The following GFRA4 variants were observed in gnomAD, a reference collection of about 807,000 sequenced individuals.
GFRA4 encodes GDNF family receptor alpha 4.
In GFRA4, 31 loss-of-function variants were observed where a neutral mutation model predicts 28.5. The ratio of observed to expected loss-of-function variants is 1.09; its 90% confidence interval spans 0.82 to 1.47. The LOEUF is 1.47. Among genes scored for constraint, GFRA4 ranks in the 40% most tolerant of loss-of-function variants. GFRA4 has a pLI of 0.00. For missense variants in GFRA4, 389 were observed against 413.2 expected (o/e 0.94, Z 0.51); for synonymous variants, 188 against 188.0 (o/e 1.00, Z 0.00).
rs1292905251 is a variant in GFRA4, at chr20:3,660,785, G to C, written c.472C>G (p.Arg158Gly). 4 of 1,416,212 alleles carry C rather than the reference G, an allele frequency of 2.8e-6. No homozygotes were observed. Among genetic ancestry groups the C allele is most frequent in the Non-Finnish European group, 3.7e-6 (4 of 1,095,542 alleles). 87.7% of individuals were successfully genotyped at this position (1,416,212 alleles called of 1,614,324 possible). Reference sequence around the variant, plus strand: ...AGGCCCGCGTAGGCGCGCAGGCAGCGGGCGCCCTGGTCCAGCAGGCAGCCG... The same window carrying C: ...AGGCCCGCGTAGGCGCGCAGGCAGCCGGCGCCCTGGTCCAGCAGGCAGCCG... ...PDGCLLDQGA[R>G]CLRAYAGLVG... Residue 158 changes from arginine to glycine, a missense_variant, in exon 3 of 6, where the codon CGC becomes GGC. By Grantham distance (125) the Arg-to-Gly change is moderately radical (BLOSUM62 -2). Transcript: ENST00000290417.
At chr20:3,662,387 A>G (rs2087232976) in intron 1 of GFRA4, among the ~76,000 whole-genome samples, 1 of 152,198 alleles carries the variant, frequency 6.6e-6, no homozygotes, top group Non-Finnish European at 1.5e-5. Flanking sequence ...CATTCAGACT[A>G]GAAGCCTTTC....
rs750234198 is a variant in GFRA4 at position 3,660,976 on chromosome 20, G to A, written c.360C>T (p.Pro120=). The A allele has an allele frequency of 6.2e-6, 9 of 1,453,898 alleles. No individual in the cohort carries two copies. The highest frequency in any genetic ancestry group is 5.4e-6 in the Non-Finnish European group (6 of 1,112,366). The allele number at this position is 1,453,898 out of a possible 1,614,324, so 90.1% of individuals were successfully genotyped here. ...PGPAPPSCLE[P]LNFCERSRVC... ...CCCGGCTGCGCTCGCAGAAGTTTAA[G>A]GGCTCAAGGCAGGAGGGCGGCGCGG... The change falls in exon 2 of 6, where the codon CCC becomes CCT. Residue 120 remains proline, a synonymous_variant. Coordinates refer to ENST00000290417, the MANE Select transcript of GFRA4 (RefSeq NM_022139.4).
Position 3,661,424 on chromosome 20 carries a change from G to A in GFRA4, c.47-135C>T, listed in dbSNP as rs2087224153. The A allele has an allele frequency of 1.1e-5, 14 of 1,290,540 alleles. No individual in the cohort carries two copies. In the South Asian group the frequency reaches 2.0e-4, roughly 18 times the overall value. 79.9% of individuals were successfully genotyped at this position (1,290,540 alleles called of 1,614,324 possible). A position where few individuals can be genotyped will look rare whatever the true frequency, so the allele number is the denominator to read the frequency against. ...TAGAGTGTGGCCCAAAGGCGGGGCC[G>A]ACTGGCACTGATCGGCTCTCCGTCG... On this transcript the variant is annotated intron_variant, in intron 1 of 5. Transcript: ENST00000290417.
rs2087194759 is a variant in GFRA4 at position 3,659,664 on chromosome 20, G to A, written c.*245C>T. 3.5e-6 allele frequency: 2 copies of A among 563,512 alleles called. No individual in the cohort carries two copies. Among genetic ancestry groups the A allele is most frequent in the South Asian group, 4.1e-5 (2 of 48,868 alleles). 34.9% of individuals were successfully genotyped at this position (563,512 alleles called of 1,614,324 possible). ...GTGGTCTCAAGGTCTGTGAATAAAG[G>A]GACTTACAACCAAGATGCCTCCTGA... On this transcript the variant is annotated 3_prime_UTR_variant, in exon 6 of 6. Coordinates refer to ENST00000290417, the MANE Select transcript of GFRA4 (RefSeq NM_022139.4).
At chr20:3,660,028 C>G (rs926542542) in intron 5 of GFRA4, 39 bp from the exon 6 acceptor site, 1 of 1,534,078 alleles carries the variant, frequency 6.5e-7, no homozygotes, top group Non-Finnish European at 8.8e-7. Flanking sequence ...GAGGCAAAAG[C>G]CTGTCTCTGC....
intron 1 of GFRA4, 120 bp from the exon 2 acceptor site, chr20:3,661,409 C>A: frequency 7.7e-7 from 1 of 1,306,316 alleles, no homozygotes; most frequent in Non-Finnish European, 9.7e-7. Flanking sequence ...TAGAGTGTGG[C>A]CCAAAGGCGG....
rs1260305836 is a variant in GFRA4, at chr20:3,660,242, G to A, written c.645C>T (p.Ala215=). Residue 215 remains alanine, a synonymous_variant, in exon 5 of 6, where the codon GCC becomes GCT. Coordinates refer to ENST00000290417, the MANE Select transcript of GFRA4 (RefSeq NM_022139.4). ...LFTRNRCLDG[A]IQAFASGWPP... Reference sequence around the variant, plus strand: ...GCCACCCGCTGGCAAAGGCCTGAATGGCACCATCTATGGAGGGAGGGGTCC... The same window carrying A: ...GCCACCCGCTGGCAAAGGCCTGAATAGCACCATCTATGGAGGGAGGGGTCC... 1 of 1,605,554 alleles carries A rather than the reference G, an allele frequency of 6.2e-7. No individual in the cohort carries two copies. Among genetic ancestry groups the A allele is most frequent in the East Asian group, 2.2e-5 (1 of 44,752 alleles).
intron 4 of GFRA4, 34 bp downstream of exon 4, chr20:3,660,492 C>T: frequency 6.6e-7 from 1 of 1,524,000 alleles, no homozygotes; most frequent in Non-Finnish European, 8.9e-7. Context: ...AGCGCCGCCC[C>T]CACTCCCCCT....
Position 3,659,997 on chromosome 20 carries a change from G to C in GFRA4, c.730-8C>G, listed in dbSNP as rs774142324. 1.3e-6 allele frequency: 2 copies of C among 1,565,964 alleles called. No individual in the cohort carries two copies. The highest frequency in any genetic ancestry group is 8.7e-7 in the Non-Finnish European group (1 of 1,155,646). ...CCTGCCTGTGGAGGACACCTTGGGGGTGGGAGCCAAGTGCAGACTTGAGGC... is the reference window on the plus strand; with the variant it reads ...CCTGCCTGTGGAGGACACCTTGGGGCTGGGAGCCAAGTGCAGACTTGAGGC... On this transcript the variant is annotated splice_region_variant and splice_polypyrimidine_tract_variant and intron_variant, in intron 5 of 5. Coordinates refer to ENST00000290417, the MANE Select transcript of GFRA4 (RefSeq NM_022139.4).
Position 3,660,955 on chromosome 20 carries a change from G to T in GFRA4, c.381C>A (p.Ser127Arg). The T allele has an allele frequency of 7.0e-7, 1 of 1,428,490 alleles. No individual in the cohort carries two copies. The allele number at this position is 1,428,490 out of a possible 1,614,324, so 88.5% of individuals were successfully genotyped here. The stretch of plus-strand genomic sequence containing the variant: ...CCGCCCGCGCGCACCTGCAGACCCG[G>T]CTGCGCTCGCAGAAGTTTAAGGGCT... Reference protein sequence around the residue: ...CLEPLNFCERSRVCRPRLLAF... With the variant: ...CLEPLNFCERRRVCRPRLLAF... The change falls in exon 2 of 6, where the codon AGC becomes AGA. Residue 127 changes from serine to arginine, a missense_variant. Ser to Arg is a moderately radical substitution (Grantham distance 110). Coordinates refer to ENST00000290417, the MANE Select transcript of GFRA4 (RefSeq NM_022139.4).
chr20:3,661,262 C>T lies in GFRA4; in HGVS notation c.74G>A (p.Arg25Gln). 6.7e-7 allele frequency: 1 copy of T among 1,488,480 alleles called. No individual in the cohort carries two copies. Among genetic ancestry groups the T allele is most frequent in the Non-Finnish European group, 8.9e-7 (1 of 1,126,816 alleles). 92.2% of individuals were successfully genotyped at this position (1,488,480 alleles called of 1,614,324 possible). Residue 25 changes from arginine (R) to glutamine (Q), a missense_variant, in exon 2 of 6, where the codon CGA becomes CAA. Physicochemically the swap from Arg to Gln is conservative, Grantham distance 43. Transcript: ENST00000290417. ...LGSASSVGGN[R>Q]CVDAAEACTA... is the part of the protein sequence containing the mutation. ...GCAGGCTTCGGCCGCGTCCACACAT[C>T]GGTTCCCTCCGACCGAGCTCGCCGA...
chr20:3,660,500 C>T, intron 4 of GFRA4, 26 bp downstream of exon 4: 1 of 1,517,722 alleles, frequency 6.6e-7, no homozygotes, highest in Non-Finnish European at 8.9e-7. Context: ...CCCCACTCCC[C>T]CTCCACTCCC....
rs369519933 is a variant in GFRA4, at chr20:3,660,512, C to G, written c.637+14G>C. ...CGCCCCCACTCCCCCTCCACTCCCC[C>G]CCGGGCCCCTCACCCAAGCAGCGGT... On this transcript the variant is annotated intron_variant, in intron 4 of 5. Coordinates refer to ENST00000290417, the MANE Select transcript of GFRA4 (RefSeq NM_022139.4). 309 of 1,546,806 alleles carry G rather than the reference C, an allele frequency of 2.0e-4. No homozygotes were observed. The African/African-American group carries it at 3.2e-3, about 16-fold the overall frequency.
intron 5 of GFRA4, 77 bp downstream of exon 5, chr20:3,660,081 C>T (rs1042506706): frequency 1.3e-6 from 2 of 1,516,168 alleles, no homozygotes; most frequent in Admixed American, 2.1e-5. Flanking sequence ...TGCCTCCACC[C>T]AGGCCCACCA....
intron 4 of GFRA4, 83 bp downstream of exon 4, chr20:3,660,443 A>G (rs1224495642): frequency 7.2e-7 from 1 of 1,388,708 alleles, no homozygotes. Flanking sequence ...TCTCCCCTCT[A>G]AAATGGCTCC....
rs1375386292 is a variant in GFRA4, at chr20:3,659,958, C to T, written c.761G>A (p.Arg254His). ...GACAGGAAGTATGGAGAGCAGGGAG[C>T]GTCTCTCCAGGGCCCTGCCTGTGGA... is the stretch of plus-strand genomic sequence containing the variant. ...VSSTGRALER[R>H]SLLSILPVLA... is the part of the protein sequence containing the mutation. Residue 254 changes from arginine to histidine, a missense_variant, in exon 6 of 6, where the codon CGC becomes CAC. Coordinates refer to ENST00000290417, the MANE Select transcript of GFRA4 (RefSeq NM_022139.4). 10 of 1,594,394 alleles carry T rather than the reference C, an allele frequency of 6.3e-6. No individual in the cohort carries two copies. The Admixed American group carries it at 1.4e-4, about 23-fold the overall frequency.
Position 3,661,003 on chromosome 20 carries a change from G to A in GFRA4, c.333C>T (p.Gly111=). Residue 111 remains glycine, a synonymous_variant, in exon 2 of 6, where the codon GGC becomes GGT. Coordinates refer to ENST00000290417, the MANE Select transcript of GFRA4 (RefSeq NM_022139.4). The stretch of plus-strand genomic sequence containing the variant: ...GCTCAAGGCAGGAGGGCGGCGCGGG[G>A]CCGGGCCCCGAAAAGGCGCAGGAGG... ...FVPSCAFSGP[G]PAPPSCLEPL... is the part of the protein sequence containing the mutation. The A allele has an allele frequency of 2.2e-6, 3 of 1,362,032 alleles. No homozygotes were observed. The highest frequency in any genetic ancestry group is 1.9e-6 in the Non-Finnish European group (2 of 1,052,394). The allele number at this position is 1,362,032 out of a possible 1,614,324, so 84.4% of individuals were successfully genotyped here.
chr20:3,660,890 G>T, intron 2 of GFRA4, 26 bp from the exon 3 acceptor site: 2 of 1,401,530 alleles, frequency 1.4e-6, no homozygotes, highest in African/African-American at 1.5e-5. Flanking sequence ...GCGGTGAGCC[G>T]GAGAGAGGCC....
intron 4 of GFRA4, 60 bp downstream of exon 4, chr20:3,660,466 T>A: frequency 1.3e-6 from 2 of 1,492,526 alleles, no homozygotes; most frequent in Admixed American, 4.2e-5. Flanking sequence ...GCCAGGCGGC[T>A]TGGGAGGGGG....
Sources: gnomAD v4.1 joint callset for allele counts (sites outside exome capture counted in the v4.1 genomes callset) on GRCh38, gnomAD v4.1.1 for gene constraint, MANE v1.5 for transcripts, NCBI Gene and HGNC (gene_info 2026-07-23, HGNC 2026-07-21) for gene names.